CLMN: variants seen among roughly 807,000 people sequenced by gnomAD.
The protein encoded by CLMN is calmin (calponin-like, transmembrane).
A neutral mutation model predicts 92.7 loss-of-function variants in CLMN; 57 were observed. The observed-to-expected ratio is 0.61, with a 90% CI of 0.50 to 0.77. The LOEUF (loss-of-function observed/expected upper bound fraction) is 0.77. CLMN is among the 30% of genes least tolerant of loss of function. CLMN has a pLI of 0.00. For synonymous variants in CLMN, 466 were observed against 470.6 expected, an observed-to-expected ratio of 0.99 and a Z score of 0.13; for missense variants, 1,158 against 1,237.5, an observed-to-expected ratio of 0.94 and a Z score of 0.96.
chr14:95,220,369 G>T (rs1006856608), intron 4 of CLMN, among the ~76,000 whole-genome samples: 5 of 151,954 alleles, frequency 3.3e-5, no homozygotes, highest in African/African-American at 4.8e-5. Context: ...TAGAGATGGC[G>T]TTTCATCATG....
intron 1 of CLMN, among the ~76,000 whole-genome samples, chr14:95,255,146 C>T (rs1188672662): frequency 1.3e-5 from 2 of 152,206 alleles, no homozygotes; most frequent in East Asian, 1.9e-4. Context: ...GGACGGCCAT[C>T]TGCAAGCCAA....
intron 5 of CLMN, among the ~76,000 whole-genome samples, chr14:95,213,990 CT>C (rs1897263361): frequency 6.6e-6 from 1 of 152,072 alleles, no homozygotes; most frequent in African/African-American, 2.4e-5. Flanking sequence ...CGCACTCCTA[CT>C]CATCCTTCAA....
chr14:95,253,600 T>C (rs1460264950), intron 1 of CLMN, among the ~76,000 whole-genome samples: 1 of 137,422 alleles, frequency 7.3e-6, no homozygotes, highest in African/African-American at 2.8e-5. Context: ...ATTAACACAG[T>C]GTTTTTTTGT....
chr14:95,213,789 C>A (rs1897258618), intron 5 of CLMN, among the ~76,000 whole-genome samples: 1 of 152,134 alleles, frequency 6.6e-6, no homozygotes, highest in African/African-American at 2.4e-5. Flanking sequence ...GCTCATCCTG[C>A]CCTTGCTGCC....
rs28435094 is a variant in CLMN, at chr14:95,215,815, C to G, written c.325-82G>C. 5,189 of 570,004 alleles carry G rather than the reference C, an allele frequency of 9.1e-3. 156 individuals are homozygous for G. Among genetic ancestry groups the G allele is most frequent in the South Asian group, 0.013 (535 of 40,872 alleles). The allele number at this position is 570,004 out of a possible 1,614,324, so 35.3% of individuals were successfully genotyped here. A position where few individuals can be genotyped will look rare whatever the true frequency, so the allele number is the denominator to read the frequency against. The stretch of plus-strand genomic sequence containing the variant: ...TTATTTTCTGGTTCTCTCTCTCTCT[C>G]TGTGTGTGTGTGTGTGTGTGTGTGT... On this transcript the variant is annotated intron_variant, in intron 4 of 12. Transcript: ENST00000298912.
intron 1 of CLMN, among the ~76,000 whole-genome samples, chr14:95,269,842 C>G (rs185799585): frequency 6.6e-6 from 1 of 152,178 alleles, no homozygotes; most frequent in Admixed American, 6.5e-5. Flanking sequence ...GTGTCCTCTC[C>G]GGCCTGGCCC....
At chr14:95,264,928 T>C (rs1595074678) in intron 1 of CLMN, among the ~76,000 whole-genome samples, 1 of 133,338 alleles carries the variant, frequency 7.5e-6, no homozygotes, top group Non-Finnish European at 1.5e-5. Flanking sequence ...ATGATAACTC[T>C]CCATCTCTAC....
At chr14:95,262,211 A>G (rs10149011) in intron 1 of CLMN, among the ~76,000 whole-genome samples, 32,603 of 152,090 alleles carry the variant, frequency 0.21, 4,184 homozygotes, top group African/African-American at 0.36. Context: ...GGGGACTCTC[A>G]CTGAGCTGAT....
At chr14:95,227,345 CG>C (rs1443018300) in intron 2 of CLMN, among the ~76,000 whole-genome samples, 1 of 152,176 alleles carries the variant, frequency 6.6e-6, no homozygotes, top group Non-Finnish European at 1.5e-5. Flanking sequence ...AGGGCAACAG[CG>C]ACTTTGAACC....
chr14:95,217,012 G>T (rs1897371591), intron 4 of CLMN, among the ~76,000 whole-genome samples: 1 of 152,170 alleles, frequency 6.6e-6, no homozygotes, highest in Non-Finnish European at 1.5e-5. Flanking sequence ...TCTAAGCACT[G>T]GACACAGATC....
At chr14:95,317,975 C>T (rs1901869122) in intron 1 of CLMN, among the ~76,000 whole-genome samples, 1 of 152,150 alleles carries the variant, frequency 6.6e-6, no homozygotes, top group Non-Finnish European at 1.5e-5. Context: ...ACTCAGTGAA[C>T]TCCTACCCAA....
At position 95,194,200 on chromosome 14, in the gene CLMN, C is replaced by G. The variant is rs1896635592; in HGVS notation, c.2770-281G>C. 1 of 1,396,970 alleles carries G rather than the reference C, an allele frequency of 7.2e-7. No individual in the cohort carries two copies. Among genetic ancestry groups the G allele is most frequent in the African/African-American group, 1.4e-5 (1 of 69,138 alleles). 86.5% of individuals were successfully genotyped at this position (1,396,970 alleles called of 1,614,324 possible). ...AACACATCTGCTACTGAGCACGTGC[C>G]ACTGTCCATCGGACCTTGACTCATG... On this transcript the variant is annotated intron_variant, in intron 11 of 12. Coordinates refer to ENST00000298912, the MANE Select transcript of CLMN (RefSeq NM_024734.4). This position sits in a 1 kb window ranked among gnomAD's most constrained non-coding sequence, Gnocchi z 4.0.
intron 1 of CLMN, among the ~76,000 whole-genome samples, chr14:95,291,988 T>G (rs989486491): frequency 2.0e-5 from 3 of 152,250 alleles, no homozygotes; most frequent in African/African-American, 4.8e-5. Context: ...TATTGAGAAC[T>G]GACTGTGTTC....
intron 1 of CLMN, among the ~76,000 whole-genome samples, chr14:95,267,810 T>C (rs920844878): frequency 1.3e-5 from 2 of 152,194 alleles, no homozygotes; most frequent in African/African-American, 2.4e-5. Context: ...GAAAATGTGC[T>C]ATATATACAC....
At chr14:95,230,038 C>A in intron 2 of CLMN, 34 bp downstream of exon 2, 1 of 1,597,892 alleles carries the variant, frequency 6.3e-7, no homozygotes, top group Non-Finnish European at 8.6e-7. Flanking sequence ...ACAGATGAAT[C>A]TATCACTTAG....
In CLMN at chr14:95,209,494, A is replaced by C; in HGVS notation, c.803-17T>G. The C allele has an allele frequency of 6.3e-7, 1 of 1,586,404 alleles. No individual in the cohort carries two copies. The highest frequency in any genetic ancestry group is 1.3e-5 in the African/African-American group (1 of 74,460). On this transcript the variant is annotated splice_polypyrimidine_tract_variant and intron_variant, in intron 7 of 12. Transcript: ENST00000298912. Reference sequence around the variant, plus strand: ...CCATGATGTCTGTCGAGAGAGACACAGGAATTAGCAGGAGATACAAACACA... The same window carrying C: ...CCATGATGTCTGTCGAGAGAGACACCGGAATTAGCAGGAGATACAAACACA...
In CLMN at chr14:95,196,651, T is replaced by C. The variant is rs1383391153; in HGVS notation, c.2555A>G (p.Glu852Gly). The change falls in exon 10 of 13, where the codon GAA becomes GGA. Residue 852 changes from glutamate to glycine, a missense_variant. Physicochemically the swap from Glu to Gly is moderately conservative, Grantham distance 98. Transcript: ENST00000298912. Reference sequence around the variant, plus strand: ...GATTGATTCTTTCGTTACATTTTCTTCTAGGGGGTTTGCTATGTTTTCCAG... The same window carrying C: ...GATTGATTCTTTCGTTACATTTTCTCCTAGGGGGTTTGCTATGTTTTCCAG... ...PNLENIANPL[E>G]ENVTKESISS... 1 of 1,613,774 alleles carries C rather than the reference T, an allele frequency of 6.2e-7. No homozygotes were observed. The highest frequency in any genetic ancestry group is 1.7e-5 in the Admixed American group (1 of 59,920).
At chr14:95,195,376 T>A (rs1015224877) in intron 10 of CLMN, among the ~76,000 whole-genome samples, 1 of 152,178 alleles carries the variant, frequency 6.6e-6, no homozygotes, top group African/African-American at 2.4e-5. Context: ...AAAGGCCAAG[T>A]GGGCAGCAGC....
chr14:95,182,075 G>A lies in CLMN; in HGVS notation c.*9489C>T, dbSNP rs2140543157. 1 of 152,118 alleles carries A rather than the reference G, an allele frequency of 6.6e-6. No individual in the cohort carries two copies. Among genetic ancestry groups the A allele is most frequent in the East Asian group, 1.9e-4 (1 of 5,170 alleles). 9.4% of individuals were successfully genotyped at this position (152,118 alleles called of 1,614,324 possible). On this transcript the variant is annotated 3_prime_UTR_variant, in exon 13 of 13. Transcript: ENST00000298912. The stretch of plus-strand genomic sequence containing the variant: ...ACAAATACTCCAGTTAATTCCCACA[G>A]GTATAAATTATTCAAATAGCCATTT...
Sources: allele counts gnomAD v4.1 joint callset (sites outside exome capture counted in the v4.1 genomes callset), GRCh38; gene constraint gnomAD v4.1.1; non-coding constraint Gnocchi (gnomAD v3.1); transcripts MANE v1.5; gene names NCBI Gene and HGNC (gene_info 2026-07-23, HGNC 2026-07-21).